SLC39A11: variants seen among roughly 807,000 people sequenced by gnomAD.
The protein encoded by SLC39A11 is zinc transporter ZIP11.
In SLC39A11, 33 loss-of-function variants were observed where a neutral mutation model predicts 36.1. The ratio of observed to expected loss-of-function variants is 0.91; its 90% confidence interval spans 0.69 to 1.22. The LOEUF is 1.22. Among genes scored for constraint, SLC39A11 ranks in the 50% most tolerant of loss-of-function variants. The probability of loss-of-function intolerance (pLI) is 0.00; values close to 1 mark genes in which losing one functional copy is unlikely to be tolerated. For missense variants in SLC39A11, 432 were observed against 430.3 expected, an observed-to-expected ratio of 1.00 and a Z score of -0.03; for synonymous variants, 166 against 170.3, an observed-to-expected ratio of 0.97 and a Z score of 0.20.
intron 1 of SLC39A11, among the ~76,000 whole-genome samples, chr17:73,089,990 C>T (rs2060872787): frequency 6.6e-6 from 1 of 152,180 alleles, no homozygotes; most frequent in Non-Finnish European, 1.5e-5. Flanking sequence ...GGTACACAAA[C>T]ACTGGGCTCA....
At chr17:72,950,930 G>A (rs894682838) in intron 4 of SLC39A11, among the ~76,000 whole-genome samples, 5 of 152,054 alleles carry the variant, frequency 3.3e-5, no homozygotes, top group African/African-American at 1.2e-4. Flanking sequence ...CGGATGCTAT[G>A]AAATATTCAA....
intron 6 of SLC39A11, among the ~76,000 whole-genome samples, chr17:72,764,994 G>A (rs977480934): frequency 1.3e-5 from 2 of 152,176 alleles, no homozygotes; most frequent in Non-Finnish European, 2.9e-5. Flanking sequence ...CTTGGGCCAA[G>A]GTAACTTTGG....
intron 6 of SLC39A11, among the ~76,000 whole-genome samples, chr17:72,761,015 T>C (rs2075555180): frequency 6.6e-6 from 1 of 152,240 alleles, no homozygotes; most frequent in African/African-American, 2.4e-5. Flanking sequence ...CCCAGGACTC[T>C]GACCGCATCT....
At chr17:72,780,311 T>C (rs975440357) in intron 6 of SLC39A11, among the ~76,000 whole-genome samples, 1 of 152,084 alleles carries the variant, frequency 6.6e-6, no homozygotes, top group African/African-American at 2.4e-5. Flanking sequence ...CTGGCCTCTC[T>C]TCTTGGTTTG....
At chr17:72,789,753 C>T (rs746805863) in intron 6 of SLC39A11, among the ~76,000 whole-genome samples, 13 of 152,198 alleles carry the variant, frequency 8.5e-5, no homozygotes, top group East Asian at 1.9e-4. Flanking sequence ...TTCCCTGGGG[C>T]GGATGAAATC....
At chr17:72,823,987 A>G (rs1230060928) in intron 6 of SLC39A11, 1 of 151,342 alleles carries the variant, frequency 6.6e-6, no homozygotes, top group African/African-American at 2.4e-5. Context: ...CTCCATATTC[A>G]GAAAAATTTT....
At chr17:72,689,168 T>C (rs940765598) in intron 7 of SLC39A11, among the ~76,000 whole-genome samples, 3 of 152,224 alleles carry the variant, frequency 2.0e-5, no homozygotes, top group African/African-American at 7.2e-5. Context: ...GCTGGCCCGA[T>C]GCTCGACTGT....
intron 5 of SLC39A11, among the ~76,000 whole-genome samples, chr17:72,943,305 G>A (rs932869077): frequency 1.3e-4 from 20 of 152,152 alleles, no homozygotes; most frequent in African/African-American, 4.6e-4. Flanking sequence ...AACCAATAAG[G>A]AATTCAAGAT....
intron 3 of SLC39A11, among the ~76,000 whole-genome samples, chr17:73,075,583 T>C (rs1366643263): frequency 6.6e-6 from 1 of 152,230 alleles, no homozygotes; most frequent in East Asian, 1.9e-4. Flanking sequence ...CCGGGCGCAG[T>C]GGCTCACGCC....
intron 6 of SLC39A11, among the ~76,000 whole-genome samples, chr17:72,807,098 GA>G (rs901249587): frequency 6.6e-6 from 1 of 151,932 alleles, no homozygotes; most frequent in East Asian, 1.9e-4. Context: ...TGATTTCCAA[GA>G]GCTCCTTCTT....
At chr17:72,772,770 G>C (rs1241497554) in intron 6 of SLC39A11, among the ~76,000 whole-genome samples, 1 of 152,146 alleles carries the variant, frequency 6.6e-6, no homozygotes, top group Admixed American at 6.6e-5. Flanking sequence ...CCAAAGATTA[G>C]AGAAGGGAGA....
intron 6 of SLC39A11, among the ~76,000 whole-genome samples, chr17:72,848,089 G>A (rs559472257): frequency 5.3e-5 from 8 of 152,190 alleles, no homozygotes; most frequent in African/African-American, 7.2e-5. Context: ...CAATGCGCTC[G>A]TAAGTCCCAA....
At chr17:72,750,471 CATGTTCTTG>C (rs1373165019) in intron 6 of SLC39A11, among the ~76,000 whole-genome samples, 1 of 150,424 alleles carries the variant, frequency 6.6e-6, no homozygotes, top group Non-Finnish European at 1.5e-5. Context: ...TTGTAATTTG[CATGTTCTTG>C]AGGGCCTAAA....
At chr17:72,816,801 G>C (rs2077597982) in intron 6 of SLC39A11, among the ~76,000 whole-genome samples, 1 of 152,168 alleles carries the variant, frequency 6.6e-6, no homozygotes, top group South Asian at 2.1e-4. Flanking sequence ...TGGTATTGGA[G>C]ATTGGATTTC....
Position 72,898,346 on chromosome 17 carries a change from C to T in SLC39A11, c.431-48542G>A, listed in dbSNP as rs117729793. 2.3e-3 allele frequency among the ~76,000 whole-genome samples: 354 copies of T among 152,286 alleles called. 5 individuals carry two copies. The highest frequency in any genetic ancestry group is 7.5e-3 in the East Asian group (39 of 5,180). On this transcript the variant is annotated intron_variant, in intron 5 of 9. Transcript: ENST00000255559. ...ATTGATCAGGACGCTTCAGGCCTCCCGGCGCATCCACTCAGCTATACCGCT... is the reference window on the plus strand; with the variant it reads ...ATTGATCAGGACGCTTCAGGCCTCCTGGCGCATCCACTCAGCTATACCGCT...
At chr17:72,650,940 C>A (rs1030749092) in intron 7 of SLC39A11, among the ~76,000 whole-genome samples, 2 of 152,264 alleles carry the variant, frequency 1.3e-5, no homozygotes, top group Admixed American at 6.5e-5. Context: ...AACACCAAGG[C>A]GAATCCCCAG....
intron 3 of SLC39A11, among the ~76,000 whole-genome samples, chr17:73,062,751 G>C (rs2059887006): frequency 6.6e-6 from 1 of 152,128 alleles, no homozygotes; most frequent in South Asian, 2.1e-4. Flanking sequence ...ATTGGGGGTG[G>C]GGGATGGTTT....
intron 4 of SLC39A11, among the ~76,000 whole-genome samples, chr17:73,004,603 C>T (rs1251334430): frequency 6.6e-6 from 1 of 152,216 alleles, no homozygotes; most frequent in Non-Finnish European, 1.5e-5. Flanking sequence ...AGGTATCCTG[C>T]CAGGTTGGCA....
intron 6 of SLC39A11, among the ~76,000 whole-genome samples, chr17:72,760,015 T>C (rs1290514735): frequency 6.6e-6 from 1 of 152,140 alleles, no homozygotes; most frequent in Non-Finnish European, 1.5e-5. Flanking sequence ...AGGTCACATA[T>C]AGGTTTTGTG....
Sources: allele counts gnomAD v4.1 joint callset (sites outside exome capture counted in the v4.1 genomes callset), GRCh38; gene constraint gnomAD v4.1.1; transcripts MANE v1.5; gene names NCBI Gene and HGNC (gene_info 2026-07-23, HGNC 2026-07-21).